Variants in SPHKAP observed in about 807,000 individuals in gnomAD.
The protein encoded by SPHKAP is A-kinase anchor protein SPHKAP.
SPHKAP carries 67 observed loss-of-function variants against 137.5 expected under a neutral mutation model. The observed-to-expected ratio is 0.49, with a 90% CI of 0.40 to 0.60. The LOEUF is 0.60. SPHKAP is among the 20% of genes least tolerant of loss of function. The probability of loss-of-function intolerance (pLI) is 0.00; values close to 1 mark genes in which losing one functional copy is unlikely to be tolerated. For missense variants in SPHKAP, 2,097 were observed against 2,069.3 expected, an observed-to-expected ratio of 1.01 and a Z score of -0.26; for synonymous variants, 813 against 785.3, an observed-to-expected ratio of 1.04 and a Z score of -0.59.
intron 7 of SPHKAP, among the ~76,000 whole-genome samples, chr2:228,001,832 T>G (rs933464694): frequency 4.6e-5 from 7 of 152,106 alleles, no homozygotes; most frequent in Non-Finnish European, 1.0e-4. Context: ...TGGTTTTTTT[T>G]CCTTGCAATA....
intron 2 of SPHKAP, among the ~76,000 whole-genome samples, chr2:228,116,217 T>TCCCTATCCCCATCCA (rs1698706680): frequency 1.3e-5 from 2 of 152,190 alleles, no homozygotes; most frequent in African/African-American, 4.8e-5. Flanking sequence ...AAAGGTCCTA[T>TCCCTATCCCCATCCA]GTGTTCGTAT....
intron 3 of SPHKAP, among the ~76,000 whole-genome samples, chr2:228,042,734 GTATT>G (rs1695899890): frequency 6.6e-6 from 1 of 152,272 alleles, no homozygotes; most frequent in East Asian, 1.9e-4. Flanking sequence ...CTTGGCGTAA[GTATT>G]TATTTCTGTT....
intron 3 of SPHKAP, among the ~76,000 whole-genome samples, chr2:228,036,222 G>C (rs1293111949): frequency 6.6e-6 from 1 of 151,492 alleles, no homozygotes; most frequent in East Asian, 1.9e-4. Flanking sequence ...AGTGGGCAAA[G>C]GATATGAACA....
intron 1 of SPHKAP, among the ~76,000 whole-genome samples, chr2:228,151,997 A>T (rs549275227): frequency 1.3e-5 from 2 of 152,290 alleles, no homozygotes; most frequent in South Asian, 4.1e-4. Flanking sequence ...TCTGCATGCT[A>T]GTGAAAGGGT....
At chr2:228,027,570 G>T in intron 3 of SPHKAP, 27 bp from the exon 4 acceptor site, 1 of 1,610,674 alleles carries the variant, frequency 6.2e-7, no homozygotes, top group East Asian at 2.2e-5. Flanking sequence ...AAAATAGTAC[G>T]TTAAAGTCAA....
At chr2:228,044,500 A>G (rs1189522878) in intron 3 of SPHKAP, among the ~76,000 whole-genome samples, 2 of 152,202 alleles carry the variant, frequency 1.3e-5, no homozygotes, top group Non-Finnish European at 2.9e-5. Context: ...CTGAATTACT[A>G]TCCCTATAGA....
At chr2:228,045,736 C>CTT (rs1311575953) in intron 3 of SPHKAP, among the ~76,000 whole-genome samples, 1 of 151,484 alleles carries the variant, frequency 6.6e-6, no homozygotes, top group Non-Finnish European at 1.5e-5. Flanking sequence ...TACCCTAAAA[C>CTT]TTAAAGTATA....
chr2:228,017,034 C>A lies in SPHKAP; in HGVS notation c.3820G>T (p.Val1274Leu). Residue 1274 changes from valine (V) to leucine (L), a missense_variant, in exon 7 of 12, where the codon GTG becomes TTG. Val to Leu is a conservative substitution (Grantham distance 32). Coordinates refer to ENST00000392056, the MANE Select transcript of SPHKAP (RefSeq NM_001142644.2). ...GAGGACGCGCTACTGACCGGCTGCACGCTTAGGAAATCTTGTGGGCAGTTC... is the reference window on the plus strand; with the variant it reads ...GAGGACGCGCTACTGACCGGCTGCAAGCTTAGGAAATCTTGTGGGCAGTTC... ...AQNCPQDFLSVQPVSSASSSG... is the reference protein window; with the variant it reads ...AQNCPQDFLSLQPVSSASSSG... 1.2e-6 allele frequency: 2 copies of A among 1,614,050 alleles called. No homozygotes were observed. The highest frequency in any genetic ancestry group is 1.7e-6 in the Non-Finnish European group (2 of 1,179,992).
At chr2:228,012,480 C>G (rs2106200496) in intron 7 of SPHKAP, among the ~76,000 whole-genome samples, 1 of 152,228 alleles carries the variant, frequency 6.6e-6, no homozygotes, top group East Asian at 1.9e-4. Context: ...ATCTCAATGC[C>G]AACATCCTAT....
chr2:228,159,959 G>A (rs1196342093), intron 1 of SPHKAP, among the ~76,000 whole-genome samples: 1 of 152,206 alleles, frequency 6.6e-6, no homozygotes, highest in East Asian at 1.9e-4. Flanking sequence ...GGAGCCAGGA[G>A]CTTCTTGTTC....
At chr2:228,027,343 T>G in intron 4 of SPHKAP, 141 bp downstream of exon 4, 1 of 846,710 alleles carries the variant, frequency 1.2e-6, no homozygotes, top group Non-Finnish European at 1.9e-6. Context: ...GGGTAAGTGC[T>G]AGGGAAAGGG....
chr2:228,121,423 G>A (rs1698900529), intron 2 of SPHKAP, among the ~76,000 whole-genome samples: 1 of 152,178 alleles, frequency 6.6e-6, no homozygotes, highest in Admixed American at 6.5e-5. Flanking sequence ...GGCTGAGGTG[G>A]GAGGATCACT....
intron 11 of SPHKAP, among the ~76,000 whole-genome samples, chr2:227,989,602 C>T (rs1446489323): frequency 2.6e-5 from 4 of 152,062 alleles, no homozygotes; most frequent in Non-Finnish European, 5.9e-5. Context: ...TGATTATAAT[C>T]TAATCACACT....
intron 3 of SPHKAP, among the ~76,000 whole-genome samples, chr2:228,031,918 G>A (rs558015096): frequency 1.3e-5 from 2 of 152,164 alleles, no homozygotes; most frequent in Non-Finnish European, 2.9e-5. Context: ...AGTAGATAAA[G>A]CCACAAAGAT....
intron 3 of SPHKAP, among the ~76,000 whole-genome samples, chr2:228,055,733 C>T (rs1696416344): frequency 6.6e-6 from 1 of 152,192 alleles, no homozygotes; most frequent in African/African-American, 2.4e-5. Flanking sequence ...GCAGCCTCAG[C>T]TGCCATCTAA....
rs140243324 is a variant in SPHKAP at position 227,998,694 on chromosome 2, T to G, written c.4449-3000A>C. On this transcript the variant is annotated intron_variant, in intron 7 of 11. Coordinates refer to ENST00000392056, the MANE Select transcript of SPHKAP (RefSeq NM_001142644.2). ...GTCTGGCTAACATAGAGATACAAAA[T>G]CCCACTCCTTGCTTCCATTTGCATC... 4.2e-3 allele frequency among the ~76,000 whole-genome samples: 646 copies of G among 152,250 alleles called. 4 individuals are homozygous for G. Among genetic ancestry groups the G allele is most frequent in the African/African-American group, 0.014 (563 of 41,534 alleles).
At chr2:228,049,586 G>A (rs1297438784) in intron 3 of SPHKAP, among the ~76,000 whole-genome samples, 1 of 152,028 alleles carries the variant, frequency 6.6e-6, no homozygotes, top group Non-Finnish European at 1.5e-5. Context: ...TTTGGGGTAT[G>A]AATCTTATCA....
At chr2:228,091,861 G>A (rs544206312) in intron 3 of SPHKAP, among the ~76,000 whole-genome samples, 25 of 152,212 alleles carry the variant, frequency 1.6e-4, no homozygotes, top group East Asian at 1.5e-3. Flanking sequence ...ACAGTGTGGA[G>A]AGTCCTTAAA....
intron 3 of SPHKAP, among the ~76,000 whole-genome samples, chr2:228,039,666 G>A (rs567275350): frequency 6.6e-6 from 1 of 152,258 alleles, no homozygotes; most frequent in African/African-American, 2.4e-5. Context: ...ATTTTTAAGT[G>A]AATTGTAATT....
Sources: allele counts gnomAD v4.1 joint callset (sites outside exome capture counted in the v4.1 genomes callset), GRCh38; gene constraint gnomAD v4.1.1; transcripts MANE v1.5; gene names NCBI Gene and HGNC (gene_info 2026-07-23, HGNC 2026-07-21).